The following GRID2 variants were observed in gnomAD, a reference collection of about 807,000 sequenced individuals.
GRID2 encodes the protein glutamate ionotropic receptor delta type subunit 2.
GRID2 carries 33 observed loss-of-function variants against 114.8 expected under a neutral mutation model. The observed-to-expected ratio is 0.29, with a 90% confidence interval of 0.22 to 0.38. The LOEUF (loss-of-function observed/expected upper bound fraction) is 0.38, where lower values mean the gene tolerates loss of function less well. GRID2 is among the 10% of genes least tolerant of loss of function. The probability of loss-of-function intolerance (pLI) is 1.00; values close to 1 mark genes in which losing one functional copy is unlikely to be tolerated. For missense variants in GRID2, 1,184 were observed against 1,257.7 expected (o/e 0.94, Z 0.89); for synonymous variants, 505 against 449.9 (o/e 1.12, Z -1.55).
intron 14 of GRID2, among the ~76,000 whole-genome samples, chr4:93,662,135 T>A (rs1369465280): frequency 6.6e-6 from 1 of 151,712 alleles, no homozygotes; most frequent in Non-Finnish European, 1.5e-5. Context: ...GCTCTTGGAT[T>A]TTTTTTTTCC....
chr4:93,737,588 AGT>A (rs1731035896), intron 14 of GRID2, among the ~76,000 whole-genome samples: 1 of 152,012 alleles, frequency 6.6e-6, no homozygotes, highest in South Asian at 2.1e-4. Context: ...AAATAAAATG[AGT>A]GTCTGTTAGC....
chr4:93,144,699 G>T (rs1310048244), intron 4 of GRID2, among the ~76,000 whole-genome samples: 4 of 151,968 alleles, frequency 2.6e-5, no homozygotes, highest in African/African-American at 9.7e-5. Flanking sequence ...CAGAACCAGG[G>T]TTTCTTCATA....
intron 2 of GRID2, among the ~76,000 whole-genome samples, chr4:92,972,675 G>C (rs1454925545): frequency 6.6e-6 from 1 of 151,790 alleles, no homozygotes. Context: ...GTGTCATGGG[G>C]GTTTGTTGTA....
intron 9 of GRID2, among the ~76,000 whole-genome samples, chr4:93,400,028 G>T (rs1346818560): frequency 2.0e-5 from 3 of 152,008 alleles, no homozygotes; most frequent in Non-Finnish European, 2.9e-5. Flanking sequence ...TAAAAATAGG[G>T]TACATAAGAG....
intron 2 of GRID2, among the ~76,000 whole-genome samples, chr4:92,919,819 G>A (rs551657528): frequency 6.6e-6 from 1 of 152,184 alleles, no homozygotes; most frequent in Non-Finnish European, 1.5e-5. Context: ...TGAGAAGAAT[G>A]TATATTCTGT....
chr4:93,231,883 G>A (rs1746189798), intron 7 of GRID2, among the ~76,000 whole-genome samples: 1 of 152,070 alleles, frequency 6.6e-6, no homozygotes, highest in Non-Finnish European at 1.5e-5. Context: ...TCTCATACCT[G>A]TTTCCTTGAG....
At chr4:92,848,313 T>C (rs1175786894) in intron 2 of GRID2, among the ~76,000 whole-genome samples, 1 of 151,778 alleles carries the variant, frequency 6.6e-6, no homozygotes, top group African/African-American at 2.4e-5. Context: ...CAAGTTAGGC[T>C]TTCAATTCTC....
At chr4:93,160,947 G>T (rs1466244248) in intron 4 of GRID2, among the ~76,000 whole-genome samples, 1 of 151,668 alleles carries the variant, frequency 6.6e-6, no homozygotes, top group Non-Finnish European at 1.5e-5. Context: ...ACTGAATGAT[G>T]GCCAAGAAAA....
At chr4:93,091,925 C>G (rs1441691362) in intron 3 of GRID2, among the ~76,000 whole-genome samples, 1 of 152,100 alleles carries the variant, frequency 6.6e-6, no homozygotes, top group Non-Finnish European at 1.5e-5. Context: ...CAGAAAAGGT[C>G]AGAATGAAAT....
chr4:93,769,091 T>C, intron 14 of GRID2, 119 bp from the exon 15 acceptor site: 1 of 882,020 alleles, frequency 1.1e-6, no homozygotes. Context: ...AGCAGATCTA[T>C]ATATTCATTT....
At chr4:92,484,508 G>T (rs917559743) in intron 1 of GRID2, among the ~76,000 whole-genome samples, 1 of 152,002 alleles carries the variant, frequency 6.6e-6, no homozygotes, top group African/African-American at 2.4e-5. Flanking sequence ...GAAGATCAAT[G>T]GTTCCAAACA....
chr4:92,836,149 C>T (rs375281102), intron 2 of GRID2, among the ~76,000 whole-genome samples: 9 of 152,024 alleles, frequency 5.9e-5, no homozygotes, highest in Non-Finnish European at 8.8e-5. Flanking sequence ...CTCACTGTAA[C>T]GACAGAGTTG....
At chr4:93,712,774 T>C (rs1404958279) in intron 14 of GRID2, among the ~76,000 whole-genome samples, 1 of 152,136 alleles carries the variant, frequency 6.6e-6, no homozygotes, top group East Asian at 1.9e-4. Context: ...AGGCTGAAAA[T>C]AACCTTAAAT....
intron 1 of GRID2, among the ~76,000 whole-genome samples, chr4:92,384,475 T>TATATAC (rs1729784132): frequency 3.6e-5 from 2 of 55,306 alleles, no homozygotes. Context: ...TATATATATA[T>TATATAC]ATATTATTTA....
intron 1 of GRID2, among the ~76,000 whole-genome samples, chr4:92,415,778 A>ATATATC (rs1553932687): frequency 8.7e-6 from 1 of 115,524 alleles, no homozygotes; most frequent in Non-Finnish European, 1.8e-5. Flanking sequence ...ATATATATAT[A>ATATATC]TATCACATTT....
intron 2 of GRID2, among the ~76,000 whole-genome samples, chr4:92,757,005 T>A (rs1006790889): frequency 6.6e-6 from 1 of 152,136 alleles, no homozygotes; most frequent in Non-Finnish European, 1.5e-5. Flanking sequence ...TTTTGAATTC[T>A]TACCCATAAA....
chr4:93,120,258 G>T (rs1479317542), intron 4 of GRID2, among the ~76,000 whole-genome samples: 1 of 152,106 alleles, frequency 6.6e-6, no homozygotes, highest in African/African-American at 2.4e-5. Context: ...TATACCCAAA[G>T]GATTATAAAT....
intron 13 of GRID2, among the ~76,000 whole-genome samples, chr4:93,603,953 G>A (rs1048432517): frequency 5.3e-5 from 8 of 152,078 alleles, no homozygotes; most frequent in African/African-American, 7.2e-5. Flanking sequence ...CCAGAGCTCC[G>A]ATGGGGATGT....
rs764858397 is a variant in GRID2, at chr4:93,455,888, A to C, written c.1772A>C (p.Asn591Thr). Residue 591 changes from asparagine (N) to threonine (T), a missense_variant, in exon 11 of 16, where the codon AAT becomes ACT. Transcript: ENST00000282020. The part of the protein sequence containing the change: ...GLLVYLLNWL[N>T]PPRLQMGSMT... ...CTGGTCTACCTCTTGAACTGGCTTAATCCCCCACGATTACAAATGGGATCA... is the reference window on the plus strand; with the variant it reads ...CTGGTCTACCTCTTGAACTGGCTTACTCCCCCACGATTACAAATGGGATCA... 1 of 1,610,900 alleles carries C rather than the reference A, an allele frequency of 6.2e-7. No homozygotes were observed. Among genetic ancestry groups the C allele is most frequent in the Non-Finnish European group, 8.5e-7 (1 of 1,177,122 alleles).
Sources: allele counts gnomAD v4.1 joint callset (sites outside exome capture counted in the v4.1 genomes callset), GRCh38; gene constraint gnomAD v4.1.1; transcripts MANE v1.5; gene names NCBI Gene and HGNC (gene_info 2026-07-23, HGNC 2026-07-21).